The following SLC2A9 variants were observed in gnomAD, a reference collection of about 807,000 sequenced individuals.
SLC2A9 encodes the protein solute carrier family 2, facilitated glucose transporter member 9.
A neutral mutation model predicts 50.6 loss-of-function variants in SLC2A9; 39 were observed. That is an observed-to-expected ratio of 0.77 (90% CI 0.60 to 1.01). The LOEUF is 1.01. Ranked by LOEUF, SLC2A9 falls within the 50% of genes least tolerant of loss-of-function variation. The probability of loss-of-function intolerance (pLI) is 0.00; values close to 1 mark genes in which losing one functional copy is unlikely to be tolerated. For synonymous variants in SLC2A9, 324 were observed against 276.9 expected, an observed-to-expected ratio of 1.17 and a Z score of -1.69; for missense variants, 686 against 677.6, an observed-to-expected ratio of 1.01 and a Z score of -0.14.
chr4:9,942,041 C>T lies in SLC2A9; in HGVS notation c.686G>A (p.Ser229Asn). The T allele has an allele frequency of 1.9e-6, 3 of 1,614,086 alleles. No homozygotes were observed. The highest frequency in any genetic ancestry group is 2.7e-5 in the African/African-American group (2 of 75,058). ...LGLPELLGKESTWPYLFGVIV... is the reference protein window; with the variant it reads ...LGLPELLGKENTWPYLFGVIV... ...CACTCCAAACAGGTATGGCCAGGTA[C>T]TCTCCTGTGGGAGAAGGAGATGCTG... Residue 229 changes from serine to asparagine, a missense_variant, in exon 6 of 12, where the codon AGT becomes AAT. Coordinates refer to ENST00000264784, the MANE Select transcript of SLC2A9 (RefSeq NM_020041.3).
intron 1 of SLC2A9, among the ~76,000 whole-genome samples, chr4:10,020,841 C>A (rs2109559573): frequency 6.6e-6 from 1 of 152,324 alleles, no homozygotes. Flanking sequence ...GGGCCATCTT[C>A]TCCTGCCTCA....
At chr4:9,796,685 C>T (rs1720632946), downstream of SLC2A9, among the ~76,000 whole-genome samples, 1 of 152,196 alleles carries the variant, frequency 6.6e-6, no homozygotes, top group Non-Finnish European at 1.5e-5. Flanking sequence ...TGTGGTTCTA[C>T]AGGGCTCTTC....
chr4:9,873,821 GTTAT>G (rs530211425), intron 10 of SLC2A9, among the ~76,000 whole-genome samples: 25 of 152,318 alleles, frequency 1.6e-4, no homozygotes, highest in African/African-American at 5.8e-4. Flanking sequence ...AGGCTTGGCG[GTTAT>G]TTGTTACACA....
intron 10 of SLC2A9, among the ~76,000 whole-genome samples, chr4:9,852,140 G>A (rs1730031356): frequency 6.6e-6 from 1 of 152,150 alleles, no homozygotes; most frequent in Non-Finnish European, 1.5e-5. Context: ...AAGGCAGCTA[G>A]AGAGAAGAGG....
At chr4:9,927,299 G>A (rs1033249451) in intron 6 of SLC2A9, among the ~76,000 whole-genome samples, 3 of 152,346 alleles carry the variant, frequency 2.0e-5, no homozygotes, top group Admixed American at 1.3e-4. Flanking sequence ...TTACAGGCGT[G>A]AGCCACCACG....
chr4:9,971,278 C>G (rs1753876791), intron 5 of SLC2A9, among the ~76,000 whole-genome samples: 2 of 152,072 alleles, frequency 1.3e-5, no homozygotes, highest in Non-Finnish European at 2.9e-5. Flanking sequence ...AACCTAAGTT[C>G]ATGGATCACA....
At chr4:9,811,310 C>T (rs1367715738) in intron 3 of SLC2A9, among the ~76,000 whole-genome samples, 2 of 152,202 alleles carry the variant, frequency 1.3e-5, no homozygotes, top group African/African-American at 2.4e-5. Context: ...TTCTACTTCC[C>T]CTCTCCTTAA....
At chr4:10,026,131 T>A (rs1331098320), upstream of SLC2A9, 6 of 672,210 alleles carry the variant, frequency 8.9e-6, no homozygotes, top group African/African-American at 1.8e-5. Context: ...GATGCCAGGA[T>A]AGGACACAGC....
intron 3 of SLC2A9, among the ~76,000 whole-genome samples, chr4:9,790,594 G>C (rs1273278513): frequency 2.0e-5 from 3 of 152,166 alleles, no homozygotes; most frequent in Non-Finnish European, 2.9e-5. Flanking sequence ...TTTCTATTAG[G>C]AGTTTGGGAG....
chr4:9,806,393 C>T (rs928202776), intron 3 of SLC2A9, among the ~76,000 whole-genome samples: 2 of 152,216 alleles, frequency 1.3e-5, no homozygotes, highest in African/African-American at 4.8e-5. Context: ...CTTTGTTTCC[C>T]ATAAGGAATA....
Position 9,831,044 on chromosome 4 carries a change from G to A in SLC2A9, c.1419+3837C>T, listed in dbSNP as rs114871999. Among the ~76,000 whole-genome samples, 642 of 152,330 alleles carry A rather than the reference G, an allele frequency of 4.2e-3. 4 individuals carry two copies. Among genetic ancestry groups the A allele is most frequent in the African/African-American group, 0.014 (571 of 41,566 alleles). ...CTTCAATACAGGCGTGATTCGTGCC[G>A]TTGTCTGTGGCTCTACTGGCTCAGA... On this transcript the variant is annotated intron_variant, in intron 11 of 11. Transcript: ENST00000264784.
At chr4:9,906,093 G>T (rs1321054630) in intron 8 of SLC2A9, among the ~76,000 whole-genome samples, 2 of 152,212 alleles carry the variant, frequency 1.3e-5, no homozygotes, top group Non-Finnish European at 1.5e-5. Flanking sequence ...CCATTTGCCA[G>T]CCACTGCTGG....
At chr4:9,859,333 A>G (rs945055678) in intron 10 of SLC2A9, among the ~76,000 whole-genome samples, 12 of 152,192 alleles carry the variant, frequency 7.9e-5, no homozygotes, top group African/African-American at 2.9e-4. Flanking sequence ...AAACAAACAC[A>G]TCTACCATGT....
intron 11 of SLC2A9, among the ~76,000 whole-genome samples, chr4:9,832,379 T>G (rs10025968): frequency 0.14 from 21,597 of 152,158 alleles, 1,906 homozygotes; most frequent in African/African-American, 0.25. Flanking sequence ...AAATTAACCG[T>G]GGGTGCCTTC....
chr4:9,890,005 T>G (rs1219945401), intron 9 of SLC2A9, among the ~76,000 whole-genome samples: 1 of 152,226 alleles, frequency 6.6e-6, no homozygotes, highest in Non-Finnish European at 1.5e-5. Context: ...TCCTCCTTCA[T>G]GGACATCCAC....
intron 5 of SLC2A9, among the ~76,000 whole-genome samples, chr4:9,966,062 T>A (rs1472392369): frequency 6.6e-6 from 1 of 152,184 alleles, no homozygotes; most frequent in East Asian, 1.9e-4. Context: ...AATATACTTA[T>A]AAGAAATTCT....
chr4:9,783,159 A>G (rs1374450589), intron 3 of SLC2A9: 1 of 1,614,030 alleles, frequency 6.2e-7, no homozygotes, highest in African/African-American at 1.3e-5. Flanking sequence ...GGGTGCAGCC[A>G]CTTCTGCTCC....
At chr4:9,790,964 T>C (rs943879779) in intron 3 of SLC2A9, among the ~76,000 whole-genome samples, 2 of 152,250 alleles carry the variant, frequency 1.3e-5, no homozygotes, top group African/African-American at 2.4e-5. Flanking sequence ...TAGCTTGAAT[T>C]ATTCTTAGAT....
chr4:10,002,280 C>T (rs1759975580), intron 2 of SLC2A9, among the ~76,000 whole-genome samples: 1 of 152,218 alleles, frequency 6.6e-6, no homozygotes, highest in South Asian at 2.1e-4. Context: ...TTAGTTGTTC[C>T]TTACAACTAT....
Sources: allele counts gnomAD v4.1 joint callset (sites outside exome capture counted in the v4.1 genomes callset), GRCh38; gene constraint gnomAD v4.1.1; transcripts MANE v1.5; gene names NCBI Gene and HGNC (gene_info 2026-07-23, HGNC 2026-07-21).